The following EYA4 variants were observed in gnomAD, a reference collection of about 807,000 sequenced individuals.
EYA4 encodes the protein protein phosphatase EYA4.
Under a neutral mutation model 87.9 loss-of-function variants are expected in EYA4, and 31 were observed. That is an observed-to-expected ratio of 0.35 (90% confidence interval 0.27 to 0.48). The LOEUF is 0.48. Ranked by LOEUF, EYA4 falls within the 20% of genes least tolerant of loss-of-function variation. EYA4 has a pLI of 0.99. For synonymous variants in EYA4, 263 were observed against 270.6 expected (o/e 0.97, Z 0.28); for missense variants, 678 against 761.4 (o/e 0.89, Z 1.29).
At chr6:133,340,701 G>A (rs1782716918) in intron 2 of EYA4, among the ~76,000 whole-genome samples, 1 of 152,204 alleles carries the variant, frequency 6.6e-6, no homozygotes, top group Non-Finnish European at 1.5e-5. Flanking sequence ...CGAAGCTGAG[G>A]TCAGAGGGAG....
At chr6:133,323,629 A>G (rs1283560835) in intron 2 of EYA4, among the ~76,000 whole-genome samples, 1 of 152,110 alleles carries the variant, frequency 6.6e-6, no homozygotes, top group Non-Finnish European at 1.5e-5. Flanking sequence ...AATAGTTGAT[A>G]ATGAGGTTCT....
chr6:133,366,929 C>A (rs370910003), intron 2 of EYA4, among the ~76,000 whole-genome samples: 1 of 151,882 alleles, frequency 6.6e-6, no homozygotes, highest in Non-Finnish European at 1.5e-5. Flanking sequence ...TTGTTTTTTT[C>A]TTTGTTCTCC....
intron 2 of EYA4, among the ~76,000 whole-genome samples, chr6:133,343,716 T>G (rs75403685): frequency 6.6e-6 from 1 of 151,898 alleles, no homozygotes; most frequent in Admixed American, 6.6e-5. Context: ...TACATATTCA[T>G]TTTCCTGTTT....
At chr6:133,512,839 A>T (rs1335818910) in intron 15 of EYA4, 39 bp from the exon 16 acceptor site, 1 of 1,613,126 alleles carries the variant, frequency 6.2e-7, no homozygotes, top group African/African-American at 1.3e-5. Context: ...AGTTTTGCAC[A>T]TGTAATTATT....
chr6:133,458,193 G>C (rs1469784991), intron 6 of EYA4, among the ~76,000 whole-genome samples: 1 of 152,120 alleles, frequency 6.6e-6, no homozygotes, highest in Non-Finnish European at 1.5e-5. Context: ...GGGACGTGCT[G>C]TCCAGTAAGG....
chr6:133,462,724 C>G lies in EYA4; in HGVS notation c.684C>G (p.Thr228=). The G allele has an allele frequency of 6.2e-7, 1 of 1,613,856 alleles. No individual in the cohort carries two copies. Among genetic ancestry groups the G allele is most frequent in the Non-Finnish European group, 8.5e-7 (1 of 1,179,900 alleles). ...TCAGTTACAGCCCAGGGTTCTCTAC[C>G]CCACAGCCAGGCCAGACACCTTATT... The part of the protein sequence containing the change: ...GCLSYSPGFS[T]PQPGQTPYSY... Residue 228 remains threonine (T), a synonymous_variant, in exon 9 of 20, where the codon ACC becomes ACG. Transcript: ENST00000355286.
chr6:133,475,028 C>T (rs1250364330), intron 11 of EYA4, among the ~76,000 whole-genome samples: 3 of 151,998 alleles, frequency 2.0e-5, no homozygotes, highest in Non-Finnish European at 4.4e-5. Context: ...CATTACTGTA[C>T]TGATTAAAGG....
intron 1 of EYA4, among the ~76,000 whole-genome samples, chr6:133,274,295 A>G (rs1776987775): frequency 6.6e-6 from 1 of 152,224 alleles, no homozygotes; most frequent in Non-Finnish European, 1.5e-5. Flanking sequence ...ATTTTCCTGT[A>G]AGAGAAAGTT....
intron 3 of EYA4, among the ~76,000 whole-genome samples, chr6:133,414,984 AT>A (rs59242926): frequency 6.6e-6 from 1 of 152,104 alleles, no homozygotes; most frequent in Non-Finnish European, 1.5e-5. Flanking sequence ...TTTATGCCAT[AT>A]TTTTTATGTA....
chr6:133,408,571 G>A (rs1788934834), intron 3 of EYA4, among the ~76,000 whole-genome samples: 1 of 152,068 alleles, frequency 6.6e-6, no homozygotes, highest in Non-Finnish European at 1.5e-5. Flanking sequence ...TTTGAAACAT[G>A]GATTTGCCAC....
chr6:133,428,634 G>C (rs1405726720), intron 3 of EYA4, among the ~76,000 whole-genome samples: 1 of 152,092 alleles, frequency 6.6e-6, no homozygotes, highest in Non-Finnish European at 1.5e-5. Context: ...GCCATCCACG[G>C]CTGTGAATTT....
At chr6:133,364,587 C>T (rs1055457144) in intron 2 of EYA4, among the ~76,000 whole-genome samples, 1 of 152,212 alleles carries the variant, frequency 6.6e-6, no homozygotes, top group Non-Finnish European at 1.5e-5. Flanking sequence ...TCTGCTAATT[C>T]TTAACAGATT....
At position 133,528,717 on chromosome 6, in the gene EYA4, C is replaced by T. The variant is rs746392964; in HGVS notation, c.1840-8C>T. The T allele has an allele frequency of 6.2e-7, 1 of 1,604,062 alleles. No homozygotes were observed. The highest frequency in any genetic ancestry group is 8.5e-7 in the Non-Finnish European group (1 of 1,170,970). On this transcript the variant is annotated splice_region_variant and splice_polypyrimidine_tract_variant and intron_variant, in intron 19 of 19. Transcript: ENST00000355286. ...TCTCTCCCATCCCTCCTTCTCCTAA[C>T]CACACAGCACAACATGCCCTTCTGG...
intron 13 of EYA4, among the ~76,000 whole-genome samples, chr6:133,489,762 G>A (rs1426106644): frequency 6.6e-6 from 1 of 152,080 alleles, no homozygotes; most frequent in Non-Finnish European, 1.5e-5. Flanking sequence ...AATGCTAAAG[G>A]GAGTTCTTCA....
intron 11 of EYA4, 32 bp downstream of exon 11, chr6:133,468,763 A>G (rs372863739): frequency 6.2e-7 from 1 of 1,609,850 alleles, no homozygotes; most frequent in Non-Finnish European, 8.5e-7. Flanking sequence ...AAATACTTTT[A>G]TATGTTTTGC....
chr6:133,282,191 AT>A (rs1443844271), intron 2 of EYA4, among the ~76,000 whole-genome samples: 16 of 152,158 alleles, frequency 1.1e-4, no homozygotes, highest in Non-Finnish European at 2.2e-4. Flanking sequence ...GGCTGAACTA[AT>A]TTACATTCCC....
intron 14 of EYA4, chr6:133,510,539 C>G: frequency 3.9e-6 from 1 of 255,472 alleles, no homozygotes; most frequent in South Asian, 4.6e-5. Flanking sequence ...TTCCTTAAAG[C>G]CCAGTCCAGC....
At chr6:133,426,746 C>T (rs992361434) in intron 3 of EYA4, among the ~76,000 whole-genome samples, 11 of 152,214 alleles carry the variant, frequency 7.2e-5, no homozygotes, top group Non-Finnish European at 1.6e-4. Context: ...CCGGTGCTCA[C>T]ATTTATCCTT....
chr6:133,487,009 T>G (rs565442243), intron 13 of EYA4, among the ~76,000 whole-genome samples: 25 of 152,266 alleles, frequency 1.6e-4, no homozygotes, highest in African/African-American at 5.8e-4. Context: ...CAGTCTTGAC[T>G]TGCTGACACC....
Sources: gnomAD v4.1 joint callset for allele counts (sites outside exome capture counted in the v4.1 genomes callset) on GRCh38, gnomAD v4.1.1 for gene constraint, MANE v1.5 for transcripts, NCBI Gene and HGNC (gene_info 2026-07-23, HGNC 2026-07-21) for gene names.